Variants in SOX6 observed in about 807,000 individuals in gnomAD.
SOX6 encodes transcription factor SOX-6.
In SOX6, 11 loss-of-function variants were observed where a neutral mutation model predicts 97.8. The ratio of observed to expected loss-of-function variants is 0.11; its 90% CI spans 0.07 to 0.19. The LOEUF is 0.19. Among genes scored for constraint, SOX6 ranks in the 10% least tolerant of loss-of-function variants. SOX6 has a pLI of 1.00. For missense variants in SOX6, 810 were observed against 1,039.5 expected, an observed-to-expected ratio of 0.78 and a Z score of 3.04; for synonymous variants, 360 against 371.4, an observed-to-expected ratio of 0.97 and a Z score of 0.35.
intron 13 of SOX6, among the ~76,000 whole-genome samples, chr11:15,993,805 C>T (rs966364327): frequency 5.9e-5 from 9 of 152,052 alleles, no homozygotes; most frequent in South Asian, 2.1e-4. Flanking sequence ...AAAGAGAAGA[C>T]GAAATTGAGT....
chr11:16,240,954 G>A lies in SOX6; in HGVS notation c.446-6283C>T, dbSNP rs371532825. The stretch of plus-strand genomic sequence containing the variant: ...TGTCCCCACAATGTAGTATCCAAAA[G>A]TGAAAAATAAAAAAATTACTAATTA... On this transcript the variant is annotated intron_variant, in intron 3 of 15. Coordinates refer to ENST00000683767, the MANE Select transcript of SOX6 (RefSeq NM_001367873.1). Among the ~76,000 whole-genome samples the A allele has an allele frequency of 3.3e-5, 5 of 151,844 alleles. No individual in the cohort carries two copies. The South Asian group carries it at 6.2e-4, about 19-fold the overall frequency.
chr11:16,420,514 A>G (rs1408377419), intron 1 of SOX6, among the ~76,000 whole-genome samples: 1 of 152,154 alleles, frequency 6.6e-6, no homozygotes, highest in Non-Finnish European at 1.5e-5. Flanking sequence ...CAACTCCCCA[A>G]ATACATCTGG....
intron 4 of SOX6, among the ~76,000 whole-genome samples, chr11:16,223,152 A>G (rs1269949012): frequency 6.6e-6 from 1 of 152,122 alleles, no homozygotes; most frequent in African/African-American, 2.4e-5. Context: ...GACATTTTTA[A>G]TAGTTCCAGA....
At chr11:16,577,992 C>T (rs970926041) in intron 4 of SOX6, among the ~76,000 whole-genome samples, 1 of 152,074 alleles carries the variant, frequency 6.6e-6, no homozygotes, top group Non-Finnish European at 1.5e-5. Flanking sequence ...AAACTATTGC[C>T]TATCCAAGAT....
At chr11:16,243,141 G>C (rs191189062) in intron 3 of SOX6, among the ~76,000 whole-genome samples, 1 of 151,786 alleles carries the variant, frequency 6.6e-6, no homozygotes, top group Non-Finnish European at 1.5e-5. Context: ...ATAAATTCTC[G>C]TCCCCTCAAG....
chr11:16,055,661 C>G, intron 10 of SOX6, 91 bp downstream of exon 10: 2 of 1,515,556 alleles, frequency 1.3e-6, no homozygotes, highest in Non-Finnish European at 9.1e-7. Context: ...GCTATGTTTC[C>G]TGCTGTTTAT....
At chr11:16,523,035 G>A (rs1319810407) in intron 4 of SOX6, among the ~76,000 whole-genome samples, 6 of 152,176 alleles carry the variant, frequency 3.9e-5, no homozygotes, top group Non-Finnish European at 5.9e-5. Context: ...AATAATGGGA[G>A]ACTTTAACAC....
intron 3 of SOX6, among the ~76,000 whole-genome samples, chr11:16,693,784 A>G (rs1019979402): frequency 6.6e-6 from 1 of 152,190 alleles, no homozygotes; most frequent in African/African-American, 2.4e-5. Flanking sequence ...AAAACTTTCT[A>G]AGTCCATATT....
At chr11:16,620,082 T>A (rs1389452057) in intron 3 of SOX6, among the ~76,000 whole-genome samples, 1 of 152,146 alleles carries the variant, frequency 6.6e-6, no homozygotes, top group Non-Finnish European at 1.5e-5. Flanking sequence ...TAGTCCTTGA[T>A]ATTATATTAG....
At chr11:16,291,757 A>C (rs1854925277) in intron 3 of SOX6, among the ~76,000 whole-genome samples, 1 of 152,118 alleles carries the variant, frequency 6.6e-6, no homozygotes, top group African/African-American at 2.4e-5. Context: ...AGCGAGGAGA[A>C]TTATAACACA....
At chr11:16,070,047 C>A (rs943268776) in intron 9 of SOX6, among the ~76,000 whole-genome samples, 1 of 151,820 alleles carries the variant, frequency 6.6e-6, no homozygotes, top group African/African-American at 2.4e-5. Flanking sequence ...CCCAGCTACT[C>A]GGGAGGTTGA....
At chr11:16,003,563 T>G (rs78657106) in intron 13 of SOX6, among the ~76,000 whole-genome samples, 167 of 152,174 alleles carry the variant, frequency 1.1e-3, no homozygotes, top group African/African-American at 3.8e-3. Flanking sequence ...CCTTAGCTGC[T>G]TATCCTTATC....
chr11:16,064,941 C>T (rs1460373000), intron 9 of SOX6, among the ~76,000 whole-genome samples: 1 of 151,918 alleles, frequency 6.6e-6, no homozygotes, highest in Non-Finnish European at 1.5e-5. Flanking sequence ...AAAGCCTTTC[C>T]TCTAAGATCT....
At chr11:16,427,860 A>G (rs1412231304) in intron 1 of SOX6, among the ~76,000 whole-genome samples, 16 of 152,042 alleles carry the variant, frequency 1.1e-4, no homozygotes, top group South Asian at 6.2e-4. Context: ...TGGGATGGCT[A>G]GGTCAAATGG....
intron 3 of SOX6, among the ~76,000 whole-genome samples, chr11:16,690,977 C>G (rs539473026): frequency 6.6e-6 from 1 of 152,282 alleles, no homozygotes; most frequent in Non-Finnish European, 1.5e-5. Context: ...AGGTAACTCC[C>G]CAATGGAAGC....
intron 3 of SOX6, among the ~76,000 whole-genome samples, chr11:16,245,862 GT>G (rs1340295455): frequency 6.6e-6 from 1 of 151,114 alleles, no homozygotes; most frequent in African/African-American, 2.4e-5. Context: ...ATTGGGTCTT[GT>G]TTTTTGTTAA....
chr11:16,718,885 A>T (rs1000904504), intron 2 of SOX6, among the ~76,000 whole-genome samples: 1 of 151,642 alleles, frequency 6.6e-6, no homozygotes, highest in African/African-American at 2.4e-5. Context: ...TAATCCCAGC[A>T]CTTTGGGAAG....
intron 4 of SOX6, among the ~76,000 whole-genome samples, chr11:16,220,506 A>G (rs1852505438): frequency 6.6e-6 from 1 of 152,012 alleles, no homozygotes; most frequent in Admixed American, 6.6e-5. Flanking sequence ...GACATGAACT[A>G]CGCTGTAAAC....
intron 4 of SOX6, among the ~76,000 whole-genome samples, chr11:16,533,026 T>C (rs1188039835): frequency 6.6e-6 from 1 of 151,924 alleles, no homozygotes; most frequent in Non-Finnish European, 1.5e-5. Context: ...GAATTTCTGA[T>C]AGAAATATTT....
Sources: allele counts gnomAD v4.1 joint callset (sites outside exome capture counted in the v4.1 genomes callset), GRCh38; gene constraint gnomAD v4.1.1; transcripts MANE v1.5; gene names NCBI Gene and HGNC (gene_info 2026-07-23, HGNC 2026-07-21).